Variants in VPS13A observed in about 807,000 individuals in gnomAD.
The protein encoded by VPS13A is intermembrane lipid transfer protein VPS13A.
A neutral mutation model predicts 390.9 loss-of-function variants in VPS13A; 264 were observed. The observed-to-expected ratio is 0.68, with a 90% confidence interval of 0.61 to 0.75. The LOEUF (loss-of-function observed/expected upper bound fraction) is 0.75, where lower values mean the gene tolerates loss of function less well. VPS13A is among the 30% of genes least tolerant of loss of function. The pLI is 0.00. For synonymous variants in VPS13A, 1,231 were observed against 1,227.1 expected (o/e 1.00, Z -0.07); for missense variants, 3,409 against 3,733.9 (o/e 0.91, Z 2.27).
At chr9:77,231,473 C>A (rs1265000765) in intron 17 of VPS13A, among the ~76,000 whole-genome samples, 1 of 152,026 alleles carries the variant, frequency 6.6e-6, no homozygotes, top group Non-Finnish European at 1.5e-5. Flanking sequence ...TATAGCCATC[C>A]TTATGGGTGT....
In VPS13A at chr9:77,389,117, T is replaced by C. The variant is rs118010352; in HGVS notation, c.9189+7030T>C. 8.5e-3 allele frequency among the ~76,000 whole-genome samples: 1,287 copies of C among 152,298 alleles called. 10 individuals carry two copies. Among genetic ancestry groups the C allele is most frequent in the South Asian group, 0.014 (67 of 4,828 alleles). Reference sequence around the variant, plus strand: ...TCCTGTCTCCCCACCATTTATGGTATATTTCCTTTTTAAATTTTTTATTCA... The same window carrying C: ...TCCTGTCTCCCCACCATTTATGGTACATTTCCTTTTTAAATTTTTTATTCA... On this transcript the variant is annotated intron_variant, in intron 68 of 71. Transcript: ENST00000360280.
intron 23 of VPS13A, among the ~76,000 whole-genome samples, chr9:77,261,054 C>A (rs907239806): frequency 2.0e-5 from 3 of 152,092 alleles, no homozygotes; most frequent in East Asian, 1.9e-4. Flanking sequence ...CCCGCCACCA[C>A]GCCAGCTAAT....
chr9:77,232,341 AT>A (rs1484112170), intron 17 of VPS13A, among the ~76,000 whole-genome samples: 2 of 152,136 alleles, frequency 1.3e-5, no homozygotes, highest in African/African-American at 4.8e-5. Context: ...CAGTATGTAG[AT>A]TGCTTTTGGT....
At chr9:77,360,453 C>A in intron 58 of VPS13A, 83 bp from the exon 59 acceptor site, 1 of 1,030,652 alleles carries the variant, frequency 9.7e-7, no homozygotes, top group Non-Finnish European at 1.5e-6. Context: ...TAATATTGAT[C>A]TCATACTTTT....
intron 32 of VPS13A, among the ~76,000 whole-genome samples, chr9:77,294,176 C>T (rs1021296676): frequency 2.0e-5 from 3 of 152,124 alleles, no homozygotes; most frequent in African/African-American, 7.2e-5. Context: ...CTGCTTTGGC[C>T]TCCCAAAGCG....
intron 19 of VPS13A, among the ~76,000 whole-genome samples, chr9:77,243,546 G>T (rs778031774): frequency 4.6e-5 from 7 of 152,240 alleles, no homozygotes; most frequent in Non-Finnish European, 8.8e-5. Context: ...TTTGTCTCTG[G>T]CAGGAAAACA....
In VPS13A at chr9:77,315,409, G is replaced by A. The variant is rs969408984; in HGVS notation, c.4569G>A (p.Glu1523=). Residue 1523 remains glutamate (E), a synonymous_variant, in exon 38 of 72, where the codon GAG becomes GAA. Transcript: ENST00000360280. ...FLQTVANVFL[E]AYTTGTAVET... ...AGACTGTTGCAAATGTCTTTCTTGA[G>A]GCCTACACCACAGGCACTGCTGTAG... The A allele has an allele frequency of 3.1e-6, 5 of 1,613,804 alleles. No individual in the cohort carries two copies. The highest frequency in any genetic ancestry group is 4.2e-6 in the Non-Finnish European group (5 of 1,179,868).
chr9:77,386,636 T>C (rs929429736), intron 68 of VPS13A, among the ~76,000 whole-genome samples: 5 of 152,210 alleles, frequency 3.3e-5, no homozygotes, highest in Non-Finnish European at 7.4e-5. Context: ...AAACATTGCT[T>C]GTGTGGTCTT....
At chr9:77,183,381 T>A (rs1014526368) in intron 1 of VPS13A, among the ~76,000 whole-genome samples, 2 of 152,184 alleles carry the variant, frequency 1.3e-5, no homozygotes, top group African/African-American at 4.8e-5. Context: ...ACCCTCCTTG[T>A]CCCTTATACC....
intron 23 of VPS13A, among the ~76,000 whole-genome samples, chr9:77,271,867 G>A (rs1403243730): frequency 6.6e-6 from 1 of 152,126 alleles, no homozygotes. Flanking sequence ...TGAAATTAAG[G>A]TAACATAGTT....
At chr9:77,264,582 A>T (rs545328711) in intron 23 of VPS13A, among the ~76,000 whole-genome samples, 1 of 152,130 alleles carries the variant, frequency 6.6e-6, no homozygotes, top group African/African-American at 2.4e-5. Context: ...TTCACTGATT[A>T]TTTGGCTCTC....
At position 77,413,143 on chromosome 9, in the gene VPS13A, T is replaced by G. The variant is rs1231256099; in HGVS notation, c.9475-2813T>G. 3.9e-5 allele frequency among the ~76,000 whole-genome samples: 6 copies of G among 152,152 alleles called. 1 individual carries two copies. The highest frequency in any genetic ancestry group is 8.8e-5 in the Non-Finnish European group (6 of 68,036). On this transcript the variant is annotated intron_variant, in intron 71 of 71. Transcript: ENST00000360280. ...ATTCCATGCTCATGGATAGGAAGAA[T>G]CAATATCATGAAAATGCCCATACTG...
intron 3 of VPS13A, among the ~76,000 whole-genome samples, chr9:77,204,336 G>A (rs943705137): frequency 1.3e-5 from 2 of 152,010 alleles, no homozygotes; most frequent in Non-Finnish European, 2.9e-5. Context: ...AGAGTGAGTA[G>A]TATAAGAAAC....
At position 77,321,711 on chromosome 9, in the gene VPS13A, C is replaced by G; in HGVS notation, c.5795C>G (p.Thr1932Ser). 1 of 1,613,166 alleles carries G rather than the reference C, an allele frequency of 6.2e-7. No individual in the cohort carries two copies. Among genetic ancestry groups the G allele is most frequent in the South Asian group, 1.1e-5 (1 of 91,028 alleles). The part of the protein sequence containing the change: ...TKDNDHFNAM[T>S]SLSSKLFFIL... ...GACAATGATCATTTCAATGCAATGA[C>G]CAGCCTAAGCAGCAAACTCTTCTTC... The change falls in exon 44 of 72, where the codon ACC (threonine) becomes AGC (serine). Residue 1932 changes from threonine (T) to serine (S), a missense_variant. Physicochemically the swap from Thr to Ser is moderately conservative, Grantham distance 58. Around this residue, in one of 5 missense-constraint regions of VPS13A, gnomAD observed 2,717 missense variants for 2,917.4 expected, o/e 0.93. Coordinates refer to ENST00000360280, the MANE Select transcript of VPS13A (RefSeq NM_033305.3).
At chr9:77,334,364 C>T (rs529458336) in intron 46 of VPS13A, among the ~76,000 whole-genome samples, 77 of 152,110 alleles carry the variant, frequency 5.1e-4, no homozygotes, top group Non-Finnish European at 1.0e-3. Context: ...GTTTCAAGAC[C>T]ATTCACACTA....
Position 77,360,638 on chromosome 9 carries a change from A to G in VPS13A, c.8208A>G (p.Thr2736=), listed in dbSNP as rs1402671976. 3.1e-6 allele frequency: 5 copies of G among 1,603,510 alleles called. No homozygotes were observed. Among genetic ancestry groups the G allele is most frequent in the Admixed American group, 3.3e-5 (2 of 59,986 alleles). ...CAGAAGCTGAGGTGACTGAAAATAC[A>G]GAGGTAAGACTTAAAATAATAACAT... is the stretch of plus-strand genomic sequence containing the variant. The part of the protein sequence containing the change: ...LMTEAEVTEN[T]EVELFHKDIE... The change falls in exon 59 of 72, where the codon ACA becomes ACG. Residue 2736 remains threonine, a synonymous_variant. Coordinates refer to ENST00000360280, the MANE Select transcript of VPS13A (RefSeq NM_033305.3).
In VPS13A at chr9:77,221,166, T is replaced by C; in HGVS notation, c.990-19T>C. On this transcript the variant is annotated intron_variant, in intron 12 of 71. Coordinates refer to ENST00000360280, the MANE Select transcript of VPS13A (RefSeq NM_033305.3). ...ACTGTTGATTTGAGGGTGTTAAATG[T>C]TTTTCTTTTTTTAACTAGGTGGGCT... 6.2e-7 allele frequency: 1 copy of C among 1,612,292 alleles called. No homozygotes were observed. The highest frequency in any genetic ancestry group is 1.7e-5 in the Admixed American group (1 of 59,950).
chr9:77,397,273 G>C lies in VPS13A; in HGVS notation c.9190-5963G>C, dbSNP rs149070500. Among the ~76,000 whole-genome samples the C allele has an allele frequency of 5.7e-3, 866 of 152,232 alleles. 11 individuals carry two copies. Among genetic ancestry groups the C allele is most frequent in the African/African-American group, 0.02 (836 of 41,520 alleles). On this transcript the variant is annotated intron_variant, in intron 68 of 71. Coordinates refer to ENST00000360280, the MANE Select transcript of VPS13A (RefSeq NM_033305.3). ...CAAAGTGCTGGGATTACAGGTGTGA[G>C]CCACCGTGTCTGGCTGAATTTCATG...
In VPS13A at chr9:77,420,776, C is replaced by T. The variant is rs188299458; in HGVS notation, c.*4770C>T. The stretch of plus-strand genomic sequence containing the variant: ...TTGGTATAATGAGATATCAAATAAT[C>T]AGAAGTATAATTAAAATAGAACATG... On this transcript the variant is annotated 3_prime_UTR_variant, in exon 72 of 72. Coordinates refer to ENST00000360280, the MANE Select transcript of VPS13A (RefSeq NM_033305.3). 7 of 152,252 alleles carry T rather than the reference C, an allele frequency of 4.6e-5. No homozygotes were observed. The highest frequency in any genetic ancestry group is 4.6e-4 in the Admixed American group (7 of 15,300). The allele number at this position is 152,252 out of a possible 1,614,324, so 9.4% of individuals were successfully genotyped here. A position where few individuals can be genotyped will look rare whatever the true frequency, so the allele number is the denominator to read the frequency against.
Sources: gnomAD v4.1 joint callset for allele counts (sites outside exome capture counted in the v4.1 genomes callset) on GRCh38, gnomAD v4.1.1 for gene constraint, gnomAD v4.1.1 regional missense constraint, MANE v1.5 for transcripts, NCBI Gene and HGNC (gene_info 2026-07-23, HGNC 2026-07-21) for gene names.